KCNH5: variants seen among roughly 807,000 people sequenced by gnomAD.
KCNH5 encodes the protein potassium voltage-gated channel subfamily H member 5.
In KCNH5, 46 loss-of-function variants were observed where a neutral mutation model predicts 96.1. The observed-to-expected ratio is 0.48, with a 90% CI of 0.38 to 0.61. The LOEUF is 0.61. KCNH5 is among the 20% of genes least tolerant of loss of function. The pLI, the probability that KCNH5 is intolerant of heterozygous loss-of-function variation, is 0.00. For synonymous variants in KCNH5, 439 were observed against 449.8 expected (o/e 0.98, Z 0.30); for missense variants, 907 against 1,225.8 (o/e 0.74, Z 3.88).
chr14:62,714,728 T>A (rs565940918), intron 10 of KCNH5, among the ~76,000 whole-genome samples: 2 of 152,328 alleles, frequency 1.3e-5, no homozygotes, highest in Middle Eastern at 3.4e-3. Context: ...GAAAAATATA[T>A]ATCCTTACTT....
chr14:62,778,303 T>C (rs1239816064), intron 10 of KCNH5, among the ~76,000 whole-genome samples: 1 of 151,794 alleles, frequency 6.6e-6, no homozygotes, highest in East Asian at 1.9e-4. Flanking sequence ...TACACAAGTT[T>C]CAAATAACAC....
chr14:62,988,516 C>G (rs536159574), intron 4 of KCNH5, among the ~76,000 whole-genome samples: 8 of 152,126 alleles, frequency 5.3e-5, no homozygotes, highest in African/African-American at 1.9e-4. Flanking sequence ...ATTGCCCCAC[C>G]AATTCAGGTC....
chr14:62,914,621 A>C (rs979432549), intron 7 of KCNH5, among the ~76,000 whole-genome samples: 3 of 152,194 alleles, frequency 2.0e-5, no homozygotes, highest in Non-Finnish European at 4.4e-5. Flanking sequence ...AGCATATTAC[A>C]TGTATGTGTT....
intron 10 of KCNH5, among the ~76,000 whole-genome samples, chr14:62,733,536 C>T (rs1885094646): frequency 6.6e-6 from 1 of 152,046 alleles, no homozygotes; most frequent in African/African-American, 2.4e-5. Flanking sequence ...TTTAGTACAG[C>T]AGCCCAAACG....
intron 7 of KCNH5, among the ~76,000 whole-genome samples, chr14:62,915,532 AT>A (rs1889257041): frequency 6.6e-6 from 1 of 152,222 alleles, no homozygotes; most frequent in African/African-American, 2.4e-5. Flanking sequence ...AGGTAGAATT[AT>A]TTATCTTCTG....
At chr14:62,984,966 C>T (rs566608967) in intron 5 of KCNH5, among the ~76,000 whole-genome samples, 2 of 152,058 alleles carry the variant, frequency 1.3e-5, no homozygotes, top group African/African-American at 4.8e-5. Context: ...AAAGAAAAAT[C>T]CTGAATCAGG....
At chr14:62,722,764 C>G (rs1324356629) in intron 10 of KCNH5, among the ~76,000 whole-genome samples, 1 of 152,104 alleles carries the variant, frequency 6.6e-6, no homozygotes, top group Non-Finnish European at 1.5e-5. Flanking sequence ...CCTCATTTTC[C>G]CCTTGCAACT....
At chr14:62,779,963 A>C in intron 9 of KCNH5, 39 bp from the exon 10 acceptor site, 1 of 1,514,148 alleles carries the variant, frequency 6.6e-7, no homozygotes, top group Non-Finnish European at 9.0e-7. Context: ...AGTATCTAAC[A>C]CTGTTCTTAT....
chr14:62,855,287 C>G (rs1352826027), intron 7 of KCNH5, among the ~76,000 whole-genome samples: 1 of 152,038 alleles, frequency 6.6e-6, no homozygotes, highest in Non-Finnish European at 1.5e-5. Context: ...TCCGTTTTTT[C>G]TTTTCATATT....
chr14:63,020,782 T>C (rs1163739119), intron 1 of KCNH5, among the ~76,000 whole-genome samples: 1 of 152,160 alleles, frequency 6.6e-6, no homozygotes, highest in Non-Finnish European at 1.5e-5. Flanking sequence ...GGCATTTTGC[T>C]GCATAAAAAT....
At chr14:62,743,361 C>A (rs535672046) in intron 10 of KCNH5, among the ~76,000 whole-genome samples, 27 of 152,292 alleles carry the variant, frequency 1.8e-4, no homozygotes, top group Admixed American at 1.5e-3. Flanking sequence ...GTCAGTGATT[C>A]CAAAGCTGTG....
intron 7 of KCNH5, among the ~76,000 whole-genome samples, chr14:62,851,492 C>T (rs1382814061): frequency 6.5e-5 from 6 of 92,120 alleles, no homozygotes; most frequent in Non-Finnish European, 1.3e-4. Flanking sequence ...ATATAGAGGT[C>T]TTTCCTAAAA....
chr14:62,870,655 C>A (rs1045919378), intron 7 of KCNH5, among the ~76,000 whole-genome samples: 1 of 151,970 alleles, frequency 6.6e-6, no homozygotes, highest in Admixed American at 6.6e-5. Flanking sequence ...TGCATGGAAA[C>A]CTTTAACCAC....
intron 4 of KCNH5, among the ~76,000 whole-genome samples, chr14:62,999,015 C>T (rs960992087): frequency 2.6e-5 from 4 of 152,118 alleles, no homozygotes; most frequent in Admixed American, 1.3e-4. Context: ...TGTGTCTTTA[C>T]AGCAGCATGA....
chr14:62,826,400 G>A (rs980630784), intron 8 of KCNH5, among the ~76,000 whole-genome samples: 9 of 110,028 alleles, frequency 8.2e-5, no homozygotes, highest in African/African-American at 1.9e-4. Context: ...GTGTGTGTGC[G>A]TGCGTGCATG....
rs375347183 is a variant in KCNH5, at chr14:62,709,378, C to T, written c.2020-923G>A. Among the ~76,000 whole-genome samples the T allele has an allele frequency of 4.0e-4, 61 of 151,882 alleles. 2 individuals carry two copies. The South Asian group carries it at 0.012, about 30-fold the overall frequency. On this transcript the variant is annotated intron_variant, in intron 10 of 10. Transcript: ENST00000322893. ...AGGGGAGAATTTAAATTGATTTATG[C>T]GACCCTAGAAGGCAGAACTAGAATT...
intron 6 of KCNH5, among the ~76,000 whole-genome samples, chr14:62,963,389 G>A (rs1489090855): frequency 6.6e-6 from 1 of 152,016 alleles, no homozygotes; most frequent in Non-Finnish European, 1.5e-5. Flanking sequence ...TGATATTTAG[G>A]AAGAGAGAGA....
Position 62,941,861 on chromosome 14 carries a change from C to T in KCNH5, c.1369+8272G>A, listed in dbSNP as rs151100418. 3.7e-3 allele frequency among the ~76,000 whole-genome samples: 564 copies of T among 152,226 alleles called. 1 individual carries two copies. The highest frequency in any genetic ancestry group is 6.7e-3 in the Non-Finnish European group (457 of 68,018). ...AGCCTGTCTGGATATCCACCTAGGT[C>T]GAGTACCTCTCCAAGTCCAAGTCCC... On this transcript the variant is annotated intron_variant, in intron 7 of 10. Transcript: ENST00000322893.
chr14:62,895,116 C>G (rs1299448661), intron 7 of KCNH5, among the ~76,000 whole-genome samples: 2 of 152,140 alleles, frequency 1.3e-5, no homozygotes, highest in Non-Finnish European at 1.5e-5. Context: ...CTTAGTAAGC[C>G]TTTAAGCTTT....
Sources: allele counts gnomAD v4.1 joint callset (sites outside exome capture counted in the v4.1 genomes callset), GRCh38; gene constraint gnomAD v4.1.1; transcripts MANE v1.5; gene names NCBI Gene and HGNC (gene_info 2026-07-23, HGNC 2026-07-21).